The following CACNA1C variants were observed in gnomAD, a reference collection of about 807,000 sequenced individuals.
The protein encoded by CACNA1C is calcium voltage-gated channel subunit alpha1 C.
CACNA1C carries 30 observed loss-of-function variants against 229.0 expected under a neutral mutation model. The observed-to-expected ratio is 0.13, with a 90% confidence interval of 0.10 to 0.18. The LOEUF (loss-of-function observed/expected upper bound fraction) is 0.18, where lower values mean the gene tolerates loss of function less well. CACNA1C is among the 10% of genes least tolerant of loss of function. CACNA1C has a pLI of 1.00. For synonymous variants in CACNA1C, 1,114 were observed against 1,132.5 expected (o/e 0.98, Z 0.33); for missense variants, 1,658 against 2,845.0 (o/e 0.58, Z 9.49).
At position 2,696,449 on chromosome 12, in the gene CACNA1C, G is replaced by C. The variant is rs1475208686; in HGVS notation, c.*5250G>C. Reference sequence around the variant, plus strand: ...ACAGGGACACCCCCACCTTTTCAGGGCATCCCATGCACTCCACTTCTCAGG... The same window carrying C: ...ACAGGGACACCCCCACCTTTTCAGGCCATCCCATGCACTCCACTTCTCAGG... On this transcript the variant is annotated 3_prime_UTR_variant, in exon 47 of 47. Transcript: ENST00000399655. 10 of 152,096 alleles carry C rather than the reference G, an allele frequency of 6.6e-5. No individual in the cohort carries two copies. The highest frequency in any genetic ancestry group is 6.6e-4 in the Admixed American group (10 of 15,262). The allele number at this position is 152,096 out of a possible 1,614,324, so 9.4% of individuals were successfully genotyped here. A position where few individuals can be genotyped will look rare whatever the true frequency, so the allele number is the denominator to read the frequency against.
chr12:2,229,939 G>A (rs1171240391), intron 3 of CACNA1C, among the ~76,000 whole-genome samples: 1 of 152,206 alleles, frequency 6.6e-6, no homozygotes, highest in Non-Finnish European at 1.5e-5. Context: ...TCTGACGCGG[G>A]CTATCCCAGG....
At chr12:2,440,110 T>A (rs1007512399) in intron 3 of CACNA1C, among the ~76,000 whole-genome samples, 1 of 152,224 alleles carries the variant, frequency 6.6e-6, no homozygotes, top group Non-Finnish European at 1.5e-5. Flanking sequence ...GAATGCTTCT[T>A]TTTTTATTGT....
rs765297951 is a variant in CACNA1C at position 2,602,799 on chromosome 12, C to T, written c.2960+839C>T. On this transcript the variant is annotated intron_variant, in intron 22 of 46. Transcript: ENST00000399655. This position sits in a 1 kb window ranked among gnomAD's most constrained non-coding sequence, Gnocchi z 4.4. ...GGAGGATCTGATTACCAGTTTCTACCAAGTTCTAACAGCTGATAGTGTGAA... is the reference window on the plus strand; with the variant it reads ...GGAGGATCTGATTACCAGTTTCTACTAAGTTCTAACAGCTGATAGTGTGAA... Among the ~76,000 whole-genome samples, 2 of 152,094 alleles carry T rather than the reference C, an allele frequency of 1.3e-5. No individual in the cohort carries two copies. Among genetic ancestry groups the T allele is most frequent in the Non-Finnish European group, 2.9e-5 (2 of 68,020 alleles).
chr12:2,355,587 TGTCTACTAA>T (rs1308035284), intron 3 of CACNA1C, among the ~76,000 whole-genome samples: 5 of 152,362 alleles, frequency 3.3e-5, no homozygotes, highest in African/African-American at 1.2e-4. Flanking sequence ...AATGTCACTT[TGTCTACTAA>T]GACTGCCCTG....
At chr12:2,001,427 T>C (rs999770175) in intron 1 of CACNA1C, among the ~76,000 whole-genome samples, 1 of 152,276 alleles carries the variant, frequency 6.6e-6, no homozygotes, top group Admixed American at 6.5e-5. Flanking sequence ...GCTAAAGAAA[T>C]AAGCAATTCA....
At chr12:2,593,569 C>A (rs1180615320) in intron 19 of CACNA1C, among the ~76,000 whole-genome samples, 1 of 152,270 alleles carries the variant, frequency 6.6e-6, no homozygotes, top group Non-Finnish European at 1.5e-5. Flanking sequence ...TATTTCTATT[C>A]TTTGGGTGAT....
At chr12:2,011,321 A>G (rs540559917) in intron 1 of CACNA1C, 2 of 152,326 alleles carry the variant, frequency 1.3e-5, no homozygotes, top group South Asian at 2.1e-4. Flanking sequence ...ATGATATTGG[A>G]TGTGGCTGAT....
chr12:2,237,303 A>G (rs551348329), intron 3 of CACNA1C, among the ~76,000 whole-genome samples: 23 of 152,210 alleles, frequency 1.5e-4, no homozygotes, highest in Non-Finnish European at 2.6e-4. Context: ...CTAGGGTATG[A>G]TAGTGTGGGT....
At chr12:2,186,650 T>C (rs1374505675) in intron 3 of CACNA1C, among the ~76,000 whole-genome samples, 1 of 152,218 alleles carries the variant, frequency 6.6e-6, no homozygotes, top group East Asian at 1.9e-4. Flanking sequence ...CACTTACACG[T>C]TTCCATAGCA....
At chr12:2,191,777 CACAT>C (rs1422795120) in intron 3 of CACNA1C, among the ~76,000 whole-genome samples, 6 of 147,920 alleles carry the variant, frequency 4.1e-5, no homozygotes, top group Non-Finnish European at 9.1e-5. Context: ...CCTCCACAGG[CACAT>C]ACATGCACAT....
chr12:2,476,773 C>T (rs1344220617), intron 5 of CACNA1C, among the ~76,000 whole-genome samples: 1 of 152,176 alleles, frequency 6.6e-6, no homozygotes, highest in East Asian at 1.9e-4. Flanking sequence ...TTTAGTGTTC[C>T]TCATACCATG....
At chr12:2,107,226 GGC>G (rs2079373731) in intron 1 of CACNA1C, among the ~76,000 whole-genome samples, 1 of 146,364 alleles carries the variant, frequency 6.8e-6, no homozygotes, top group African/African-American at 2.6e-5. Context: ...GAAGCCGCTG[GGC>G]GTCCTTAAGC....
chr12:2,109,572 T>C (rs556248739), intron 1 of CACNA1C, among the ~76,000 whole-genome samples: 3 of 152,256 alleles, frequency 2.0e-5, no homozygotes, highest in Admixed American at 6.5e-5. Flanking sequence ...GGCCAGTCTG[T>C]GCAGGTGTTG....
At position 2,285,385 on chromosome 12, in the gene CACNA1C, T is replaced by G. The variant is rs949242421; in HGVS notation, c.478-163591T>G. On this transcript the variant is annotated intron_variant, in intron 3 of 46. Transcript: ENST00000399655. The surrounding 1 kb of genome is among the most constrained non-coding windows in gnomAD (Gnocchi z 4.2). ...TCCTAAAAGCCAGTTGCTAAAACAT[T>G]TAACAACATACCACTGGCTGGAACC... Among the ~76,000 whole-genome samples, 2 of 152,148 alleles carry G rather than the reference T, an allele frequency of 1.3e-5. No individual in the cohort carries two copies. The highest frequency in any genetic ancestry group is 2.4e-5 in the African/African-American group (1 of 41,426).
At position 2,277,362 on chromosome 12, in the gene CACNA1C, GACACACACACACACACACACACAC is replaced by G. The variant is rs59258094; in HGVS notation, c.477+156975_477+156998del. 6.8e-3 allele frequency among the ~76,000 whole-genome samples: 491 copies of G among 72,214 alleles called. 3 individuals are homozygous for G. The highest frequency in any genetic ancestry group is 0.048 in the South Asian group (93 of 1,950). 47.4% of individuals were successfully genotyped at this position (72,214 alleles called of 152,430 possible). On this transcript the variant is annotated intron_variant, in intron 3 of 46. Transcript: ENST00000399655. ...AGACAGACAGACAGACAGACAGACA[GACACACACACACACACACACACAC>G]ACACACACACACACACACACACACA...
At chr12:2,146,414 T>C (rs1047119246) in intron 3 of CACNA1C, among the ~76,000 whole-genome samples, 1 of 151,252 alleles carries the variant, frequency 6.6e-6, no homozygotes, top group Non-Finnish European at 1.5e-5. Flanking sequence ...AAAATAAATA[T>C]TGATTGAGTA....
At chr12:2,207,656 TA>T (rs1012354236) in intron 3 of CACNA1C, among the ~76,000 whole-genome samples, 7 of 151,702 alleles carry the variant, frequency 4.6e-5, no homozygotes, top group Admixed American at 3.3e-4. Context: ...CAAAAAAAAG[TA>T]AAAAAAATTA....
chr12:2,195,607 C>T (rs1461900555), intron 3 of CACNA1C, among the ~76,000 whole-genome samples: 1 of 152,204 alleles, frequency 6.6e-6, no homozygotes, highest in African/African-American at 2.4e-5. Flanking sequence ...TAGGAAACCA[C>T]TTCTGTAGGA....
intron 8 of CACNA1C, among the ~76,000 whole-genome samples, chr12:2,508,502 T>A (rs1424263287): frequency 6.6e-6 from 1 of 152,176 alleles, no homozygotes; most frequent in African/African-American, 2.4e-5. Flanking sequence ...AAATATTTTT[T>A]AATTAGCTGG....
Sources: allele counts gnomAD v4.1 joint callset (sites outside exome capture counted in the v4.1 genomes callset), GRCh38; gene constraint gnomAD v4.1.1; non-coding constraint Gnocchi (gnomAD v3.1); transcripts MANE v1.5; gene names NCBI Gene and HGNC (gene_info 2026-07-23, HGNC 2026-07-21).